The following VSIG10 variants were observed in gnomAD, a reference collection of about 807,000 sequenced individuals.
The protein encoded by VSIG10 is V-set and immunoglobulin domain-containing protein 10.
Under a neutral mutation model 58.7 loss-of-function variants are expected in VSIG10, and 48 were observed. That is an observed-to-expected ratio of 0.82 (90% CI 0.65 to 1.04). The LOEUF (loss-of-function observed/expected upper bound fraction) is 1.04, where lower values mean the gene tolerates loss of function less well. Among genes scored for constraint, VSIG10 ranks in the 50% least tolerant of loss-of-function variants. VSIG10 has a pLI of 0.00. For synonymous variants in VSIG10, 260 were observed against 267.1 expected (o/e 0.97, Z 0.26); for missense variants, 628 against 670.0 (o/e 0.94, Z 0.69).
intron 5 of VSIG10, 127 bp downstream of exon 5, chr12:118,073,572 A>G (rs1566157744): frequency 1.8e-6 from 2 of 1,097,574 alleles, no homozygotes; most frequent in East Asian, 4.9e-5. Context: ...GTCATAAGCA[A>G]GCAGATATGC....
intron 2 of VSIG10, among the ~76,000 whole-genome samples, chr12:118,084,974 G>A (rs961978299): frequency 7.2e-5 from 11 of 152,114 alleles, no homozygotes; most frequent in Non-Finnish European, 1.3e-4. Context: ...AGCCGAGATC[G>A]CGCCACTGCA....
At chr12:118,079,072 C>T (rs1201961082) in intron 4 of VSIG10, among the ~76,000 whole-genome samples, 1 of 151,954 alleles carries the variant, frequency 6.6e-6, no homozygotes, top group Non-Finnish European at 1.5e-5. Flanking sequence ...CTGCTCCATC[C>T]TCAGCACGTA....
intron 2 of VSIG10, among the ~76,000 whole-genome samples, chr12:118,093,191 T>G (rs1024041126): frequency 6.6e-6 from 1 of 150,604 alleles, no homozygotes; most frequent in African/African-American, 2.4e-5. Flanking sequence ...CCCAGCTACT[T>G]GGGAGGCTGA....
chr12:118,089,321 A>G (rs2033227414), intron 2 of VSIG10, among the ~76,000 whole-genome samples: 1 of 152,206 alleles, frequency 6.6e-6, no homozygotes, highest in Non-Finnish European at 1.5e-5. Context: ...ATCTCCCTAC[A>G]GGGCAATAAT....
chr12:118,067,040 G>A (rs1040228587), intron 8 of VSIG10, among the ~76,000 whole-genome samples: 9 of 151,714 alleles, frequency 5.9e-5, no homozygotes, highest in African/African-American at 1.7e-4. Flanking sequence ...ACACCTCTCC[G>A]GGCTCTTATC....
At chr12:118,095,965 G>A (rs1393625973) in intron 1 of VSIG10, among the ~76,000 whole-genome samples, 151 bp from the exon 2 acceptor site, 11 of 129,580 alleles carry the variant, frequency 8.5e-5, no homozygotes, top group East Asian at 2.2e-4. Context: ...CCACTCTGTC[G>A]CCCAGGCTGG....
intron 2 of VSIG10, among the ~76,000 whole-genome samples, chr12:118,085,141 C>T (rs1369398139): frequency 6.6e-6 from 1 of 152,204 alleles, no homozygotes; most frequent in Admixed American, 6.5e-5. Flanking sequence ...CCCAGCATTC[C>T]CTTTCCCTAG....
chr12:118,097,044 AAAACAAAC>A (rs557482784), intron 1 of VSIG10, among the ~76,000 whole-genome samples: 2 of 152,100 alleles, frequency 1.3e-5, no homozygotes, highest in South Asian at 2.1e-4. Flanking sequence ...GTCTAAAAAC[AAAACAAAC>A]AAACAAACAA....
At position 118,079,620 on chromosome 12, in the gene VSIG10, G is replaced by C. The variant is rs774396135; in HGVS notation, c.665-14C>G. 2 of 1,613,336 alleles carry C rather than the reference G, an allele frequency of 1.2e-6. No homozygotes were observed. Among genetic ancestry groups the C allele is most frequent in the Admixed American group, 1.7e-5 (1 of 60,000 alleles). On this transcript the variant is annotated splice_polypyrimidine_tract_variant and intron_variant, in intron 3 of 8. Transcript: ENST00000359236. Reference sequence around the variant, plus strand: ...ATGGAGGGGGATCTGCAAAACACCAGAGGAAAGCATGGGCTGAATCACAGA... The same window carrying C: ...ATGGAGGGGGATCTGCAAAACACCACAGGAAAGCATGGGCTGAATCACAGA...
intron 7 of VSIG10, among the ~76,000 whole-genome samples, chr12:118,069,216 A>C (rs2032380493): frequency 1.3e-5 from 2 of 151,998 alleles, no homozygotes; most frequent in South Asian, 4.1e-4. Flanking sequence ...CAGCCACCCA[A>C]GTAGCTGGGA....
chr12:118,081,220 T>C (rs550049320), intron 3 of VSIG10, among the ~76,000 whole-genome samples: 27 of 152,238 alleles, frequency 1.8e-4, no homozygotes, highest in African/African-American at 6.5e-4. Flanking sequence ...CACTCTAGCC[T>C]GGGTGACAGA....
intron 1 of VSIG10, among the ~76,000 whole-genome samples, chr12:118,099,786 C>A (rs1231372484): frequency 6.6e-6 from 1 of 152,184 alleles, no homozygotes; most frequent in Non-Finnish European, 1.5e-5. Flanking sequence ...GGCAATCCTT[C>A]CCATTTAAGT....
rs1482129003 is a variant in VSIG10 at position 118,066,182 on chromosome 12, G to A, written c.*457C>T. On this transcript the variant is annotated 3_prime_UTR_variant, in exon 9 of 9. Transcript: ENST00000359236. Reference sequence around the variant, plus strand: ...AATCGCTTGAACCTGGGAGGCAGAAGTTGTGGTGAGCCAAGATCGTGCCAT... The same window carrying A: ...AATCGCTTGAACCTGGGAGGCAGAAATTGTGGTGAGCCAAGATCGTGCCAT... The A allele has an allele frequency of 6.6e-6, 1 of 151,804 alleles. No homozygotes were observed. Among genetic ancestry groups the A allele is most frequent in the East Asian group, 2.2e-4 (1 of 4,650 alleles). The allele number at this position is 151,804 out of a possible 1,614,324, so 9.4% of individuals were successfully genotyped here.
Position 118,069,580 on chromosome 12 carries a change from T to G in VSIG10, c.1347-983A>C, listed in dbSNP as rs377039538. On this transcript the variant is annotated intron_variant, in intron 7 of 8. Transcript: ENST00000359236. ...AGCTGGGATTACAGGCATGCGCCAC[T>G]ACATGCGGCTAATTTTTTGTATTTT... 3.0e-4 allele frequency among the ~76,000 whole-genome samples: 46 copies of G among 152,066 alleles called. No homozygotes were observed. The East Asian group carries it at 7.6e-3, about 25-fold the overall frequency.
chr12:118,068,513 T>A lies in VSIG10; in HGVS notation c.1431A>T (p.Ala477=). The A allele has an allele frequency of 6.2e-7, 1 of 1,606,886 alleles. No individual in the cohort carries two copies. The highest frequency in any genetic ancestry group is 8.5e-7 in the Non-Finnish European group (1 of 1,178,438). Residue 477 remains alanine, a synonymous_variant, in exon 8 of 9, where the codon GCA becomes GCT. Transcript: ENST00000359236. The part of the protein sequence containing the change: ...EEEEEEEEDA[A]VGEQEGARER... ...CACGTGCTCCCTCCTGTTCCCCTAC[T>A]GCAGCATCTTCCTCCTCCTCCTCCT... is the stretch of plus-strand genomic sequence containing the variant.
At chr12:118,071,841 G>C (rs2032507703) in intron 5 of VSIG10, among the ~76,000 whole-genome samples, 1 of 152,356 alleles carries the variant, frequency 6.6e-6, no homozygotes, top group Non-Finnish European at 1.5e-5. Flanking sequence ...ATTGATATAT[G>C]ACAGGGTCTT....
rs149184104 is a variant in VSIG10 at position 118,075,397 on chromosome 12, C to T, written c.926-1405G>A. ...TTGAGACAAGGTCTCGCTCTGTCAC[C>T]CAGGCTGGAGTGCAGTGCTGTGATC... On this transcript the variant is annotated intron_variant, in intron 4 of 8. Transcript: ENST00000359236. 9.2e-3 allele frequency among the ~76,000 whole-genome samples: 1,395 copies of T among 152,042 alleles called. 30 individuals are homozygous for T. Among genetic ancestry groups the T allele is most frequent in the African/African-American group, 0.032 (1,336 of 41,444 alleles).
intron 3 of VSIG10, 74 bp from the exon 4 acceptor site, chr12:118,079,680 G>T: frequency 6.4e-7 from 1 of 1,569,090 alleles, no homozygotes; most frequent in South Asian, 1.2e-5. Flanking sequence ...CTCTAAGGAT[G>T]GCAGAACCAG....
intron 1 of VSIG10, among the ~76,000 whole-genome samples, chr12:118,097,417 C>T (rs1388679300): frequency 6.6e-6 from 1 of 152,170 alleles, no homozygotes; most frequent in Non-Finnish European, 1.5e-5. Flanking sequence ...GAGTTCGAGA[C>T]TAGCCTGGCC....
Sources: allele counts gnomAD v4.1 joint callset (sites outside exome capture counted in the v4.1 genomes callset), GRCh38; gene constraint gnomAD v4.1.1; transcripts MANE v1.5; gene names NCBI Gene and HGNC (gene_info 2026-07-23, HGNC 2026-07-21).